Variants in POLN observed in about 807,000 individuals in gnomAD.
POLN encodes DNA polymerase N.
A neutral mutation model predicts 113.5 loss-of-function variants in POLN; 108 were observed. The ratio of observed to expected loss-of-function variants is 0.95; its 90% CI spans 0.81 to 1.12. POLN has a LOEUF of 1.12. Among genes scored for constraint, POLN ranks in the 50% most tolerant of loss-of-function variants. The pLI is 0.00. For missense variants in POLN, 1,097 were observed against 1,077.1 expected (o/e 1.02, Z -0.26); for synonymous variants, 386 against 391.5 (o/e 0.99, Z 0.17).
intron 16 of POLN, among the ~76,000 whole-genome samples, chr4:2,154,127 G>A (rs1204724195): frequency 7.0e-6 from 1 of 142,454 alleles, no homozygotes; most frequent in Non-Finnish European, 1.5e-5. Context: ...GAACCAGTGA[G>A]GCAGAGCTTG....
intron 24 of POLN, 60 bp from the exon 25 acceptor site, chr4:2,073,089 G>T: frequency 1.3e-6 from 2 of 1,545,274 alleles, no homozygotes; most frequent in Non-Finnish European, 8.9e-7. Context: ...CCTGGGAGCC[G>T]AAGATAAGAG....
intron 19 of POLN, among the ~76,000 whole-genome samples, chr4:2,112,697 C>T (rs1229185067): frequency 2.6e-5 from 4 of 152,182 alleles, no homozygotes; most frequent in African/African-American, 9.7e-5. Context: ...TACCATCTCA[C>T]ACCAGTTAGA....
At chr4:2,216,036 G>A (rs530677504) in intron 3 of POLN, among the ~76,000 whole-genome samples, 15 of 152,174 alleles carry the variant, frequency 9.9e-5, no homozygotes, top group Non-Finnish European at 2.2e-4. Context: ...ATTTGGGCAG[G>A]GGACCATGAG....
chr4:2,094,203 C>T (rs911918327), intron 20 of POLN, among the ~76,000 whole-genome samples: 3 of 151,672 alleles, frequency 2.0e-5, no homozygotes, highest in Non-Finnish European at 4.4e-5. Context: ...AAAAATTAGC[C>T]GAATGTGGTG....
intron 9 of POLN, among the ~76,000 whole-genome samples, chr4:2,175,926 TGCTTCCCAG>T (rs956385202): frequency 2.0e-5 from 3 of 152,240 alleles, no homozygotes; most frequent in African/African-American, 7.2e-5. Context: ...AGTGGCTGTC[TGCTTCCCAG>T]GAAGACTCTG....
At position 2,232,405 on chromosome 4, in the gene POLN, G is replaced by A. The variant is rs371425773; in HGVS notation, c.-12-3162C>T. On this transcript the variant is annotated intron_variant, in intron 2 of 25. Transcript: ENST00000511885. Reference sequence around the variant, plus strand: ...AGGAAACTCTTGCTGAAGTGTACTCGATATGTAAGCTGTTCTGTGCATTCA... The same window carrying A: ...AGGAAACTCTTGCTGAAGTGTACTCAATATGTAAGCTGTTCTGTGCATTCA... Among the ~76,000 whole-genome samples, 13 of 152,282 alleles carry A rather than the reference G, an allele frequency of 8.5e-5. No homozygotes were observed. In the South Asian group the frequency reaches 2.7e-3, roughly 32 times the overall value.
At chr4:2,073,077 G>A (rs748895375) in intron 24 of POLN, 48 bp from the exon 25 acceptor site, 2 of 1,590,264 alleles carry the variant, frequency 1.3e-6, no homozygotes, top group African/African-American at 2.7e-5. Flanking sequence ...TTGGCCTTGG[G>A]GCCTGGGAGC....
chr4:2,131,909 T>C (rs569294914), intron 16 of POLN, among the ~76,000 whole-genome samples: 1 of 152,348 alleles, frequency 6.6e-6, no homozygotes, highest in Admixed American at 6.5e-5. Flanking sequence ...TGTCACAACA[T>C]CCTTTGGATT....
intron 20 of POLN, chr4:2,088,627 T>C (rs1730600807): frequency 1.6e-6 from 1 of 643,752 alleles, no homozygotes; most frequent in South Asian, 4.8e-5. Context: ...AATCACAATT[T>C]GAATCCCATA....
rs1011727824 is a variant in POLN at position 2,073,125 on chromosome 4, G to A, written c.2456-96C>T. The A allele has an allele frequency of 5.1e-5, 61 of 1,206,780 alleles. 1 individual carries two copies. In the East Asian group the frequency reaches 5.3e-4, roughly 10 times the overall value. 74.8% of individuals were successfully genotyped at this position (1,206,780 alleles called of 1,614,324 possible). ...AACTTTCAGGCCCGAGTCCTGCCCC[G>A]GCCCCTGAGCCCCCTTGTTTCCTGT... On this transcript the variant is annotated intron_variant, in intron 24 of 25. Coordinates refer to ENST00000511885, the MANE Select transcript of POLN (RefSeq NM_181808.4).
At chr4:2,232,650 ATT>A (rs761675687) in intron 2 of POLN, among the ~76,000 whole-genome samples, 5 of 151,934 alleles carry the variant, frequency 3.3e-5, no homozygotes, top group Admixed American at 6.5e-5. Context: ...ATTTTTTCAT[ATT>A]GTCTTACCAA....
rs1046010594 is a variant in POLN, at chr4:2,240,368, T to C, written c.-13+1152A>G. 4 of 1,604,682 alleles carry C rather than the reference T, an allele frequency of 2.5e-6. No homozygotes were observed. In the African/African-American group the frequency reaches 4.0e-5, roughly 16 times the overall value. The stretch of plus-strand genomic sequence containing the variant: ...TTTCCAAGGAAAATTGCGATAAAAA[T>C]ACCAGTGGATTTGTCCCTTGACCTA... On this transcript the variant is annotated intron_variant, in intron 2 of 25. Transcript: ENST00000511885.
intron 19 of POLN, among the ~76,000 whole-genome samples, chr4:2,100,058 A>G (rs1365948633): frequency 1.4e-5 from 2 of 140,874 alleles, no homozygotes; most frequent in East Asian, 4.1e-4. Context: ...TGACAGAGTG[A>G]GACCCTGTCT....
intron 3 of POLN, among the ~76,000 whole-genome samples, chr4:2,218,447 A>T (rs1437184995): frequency 6.6e-6 from 1 of 152,080 alleles, no homozygotes; most frequent in Admixed American, 6.5e-5. Flanking sequence ...CTGCCTTAAA[A>T]AAAAAAAGGC....
At chr4:2,147,719 C>G (rs897575645) in intron 16 of POLN, among the ~76,000 whole-genome samples, 4 of 139,930 alleles carry the variant, frequency 2.9e-5, no homozygotes, top group African/African-American at 1.1e-4. Flanking sequence ...CTTGGCTCAC[C>G]GCAACCTCTG....
chr4:2,160,311 T>G (rs1381510558), intron 13 of POLN, among the ~76,000 whole-genome samples: 1 of 152,274 alleles, frequency 6.6e-6, no homozygotes, highest in East Asian at 1.9e-4. Context: ...GTGTGTCTTT[T>G]TCTCCTTGGG....
At chr4:2,219,225 C>T (rs1008479800) in intron 3 of POLN, among the ~76,000 whole-genome samples, 5 of 152,120 alleles carry the variant, frequency 3.3e-5, no homozygotes, top group African/African-American at 9.7e-5. Flanking sequence ...TGAGTCCTTG[C>T]GCCTCTGACG....
Position 2,078,558 on chromosome 4 carries a change from C to T in POLN, c.2387+2400G>A, listed in dbSNP as rs550746929. ...CGATCTCAGCTCACTCTAGGGGCAC[C>T]GTGTGCCTCCCAGTGATCGAGTTTC... On this transcript the variant is annotated intron_variant, in intron 23 of 25. Coordinates refer to ENST00000511885, the MANE Select transcript of POLN (RefSeq NM_181808.4). 1.4e-5 allele frequency: 14 copies of T among 981,942 alleles called. No homozygotes were observed. In the African/African-American group the frequency reaches 2.3e-4, roughly 16 times the overall value. 60.8% of individuals were successfully genotyped at this position (981,942 alleles called of 1,614,324 possible).
chr4:2,215,213 A>C (rs540656181), intron 3 of POLN, among the ~76,000 whole-genome samples: 3 of 152,200 alleles, frequency 2.0e-5, no homozygotes, highest in Non-Finnish European at 4.4e-5. Flanking sequence ...CACTAAAAAG[A>C]ATGACCTTGT....
Sources: gnomAD v4.1 joint callset for allele counts (sites outside exome capture counted in the v4.1 genomes callset) on GRCh38, gnomAD v4.1.1 for gene constraint, MANE v1.5 for transcripts, NCBI Gene and HGNC (gene_info 2026-07-23, HGNC 2026-07-21) for gene names.